ALK: variants seen among roughly 807,000 people sequenced by gnomAD.
The protein encoded by ALK is ALK receptor tyrosine kinase, also known as ALK tyrosine kinase receptor.
Under a neutral mutation model 163.1 loss-of-function variants are expected in ALK, and 74 were observed. The ratio of observed to expected loss-of-function variants is 0.45; its 90% CI spans 0.38 to 0.55. The LOEUF is 0.55. Ranked by LOEUF, ALK falls within the 20% of genes least tolerant of loss-of-function variation. The pLI is 0.00. For missense variants in ALK, 2,063 were observed against 2,105.3 expected (o/e 0.98, Z 0.39); for synonymous variants, 960 against 843.2 (o/e 1.14, Z -2.40).
intron 23 of ALK, among the ~76,000 whole-genome samples, chr2:29,214,544 T>TAAAACTAATTTTCTTCAAGCAGATC (rs1669550203): frequency 6.6e-6 from 1 of 152,222 alleles, no homozygotes; most frequent in Non-Finnish European, 1.5e-5. Flanking sequence ...AAATATTTCT[T>TAAAACTAATTTTCTTCAAGCAGATC]AAAACTAATT....
At chr2:29,698,099 C>G (rs79549398) in intron 2 of ALK, among the ~76,000 whole-genome samples, 6 of 152,134 alleles carry the variant, frequency 3.9e-5, no homozygotes, top group Non-Finnish European at 8.8e-5. Flanking sequence ...TGCCCTTTCA[C>G]GATTCAGACA....
chr2:29,723,321 T>C (rs1421586197), intron 1 of ALK, among the ~76,000 whole-genome samples: 1 of 152,182 alleles, frequency 6.6e-6, no homozygotes, highest in East Asian at 1.9e-4. Flanking sequence ...TACTCAGAGG[T>C]ACATGGCCAC....
chr2:29,888,557 G>A (rs922646633), intron 1 of ALK, among the ~76,000 whole-genome samples: 4 of 152,100 alleles, frequency 2.6e-5, no homozygotes, highest in East Asian at 1.9e-4. Flanking sequence ...ACCAGCTTCC[G>A]AACTCAGAGG....
chr2:29,274,953 C>T (rs1665493873), intron 11 of ALK, 146 bp downstream of exon 11: 3 of 1,085,924 alleles, frequency 2.8e-6, no homozygotes, highest in Non-Finnish European at 4.1e-6. Flanking sequence ...CCCCTTGGAC[C>T]CCATAGTCAG....
chr2:29,731,429 G>C (rs763618271), intron 1 of ALK, among the ~76,000 whole-genome samples: 1 of 152,240 alleles, frequency 6.6e-6, no homozygotes, highest in East Asian at 1.9e-4. Flanking sequence ...ACTGCTTTTG[G>C]CAATGACTCC....
intron 5 of ALK, among the ~76,000 whole-genome samples, chr2:29,359,694 G>T (rs975658074): frequency 6.6e-6 from 1 of 152,126 alleles, no homozygotes; most frequent in Non-Finnish European, 1.5e-5. Flanking sequence ...GCCTTTGAAT[G>T]GGCTGCTTCA....
At chr2:29,510,249 A>C (rs1329678899) in intron 4 of ALK, among the ~76,000 whole-genome samples, 3 of 152,216 alleles carry the variant, frequency 2.0e-5, no homozygotes, top group Non-Finnish European at 4.4e-5. Context: ...GGCAAGTATG[A>C]AATGTCCCTA....
At chr2:29,909,464 G>C (rs1230213322) in intron 1 of ALK, among the ~76,000 whole-genome samples, 5 of 141,878 alleles carry the variant, frequency 3.5e-5, no homozygotes, top group East Asian at 2.1e-4. Context: ...TACACACACA[G>C]AGAGAGACAG....
intron 1 of ALK, among the ~76,000 whole-genome samples, chr2:29,806,871 G>A (rs932541796): frequency 6.6e-6 from 1 of 152,232 alleles, no homozygotes; most frequent in African/African-American, 2.4e-5. Context: ...ATGGTGGTAA[G>A]AGGAACAAAC....
rs2148166108 is a variant in ALK, at chr2:29,220,647, T to C, written c.3645+59A>G. The C allele has an allele frequency of 5.6e-6, 9 of 1,610,592 alleles. No individual in the cohort carries two copies. The South Asian group carries it at 9.9e-5, about 18-fold the overall frequency. On this transcript the variant is annotated intron_variant, in intron 23 of 28. Transcript: ENST00000389048. ...TACCCAGGCTGCCCACTCTTGCTCC[T>C]TCCATCCTTGCTCCTGTCCTTGGCA...
rs545010216 is a variant in ALK, at chr2:29,368,971, A to G, written c.1282+14761T>C. Reference sequence around the variant, plus strand: ...AAACAAATAAACAAACATACATCAAAAAACCGCCAGCACTCGCCATGAATT... The same window carrying G: ...AAACAAATAAACAAACATACATCAAGAAACCGCCAGCACTCGCCATGAATT... On this transcript the variant is annotated intron_variant, in intron 5 of 28. Coordinates refer to ENST00000389048, the MANE Select transcript of ALK (RefSeq NM_004304.5). 3.7e-3 allele frequency among the ~76,000 whole-genome samples: 564 copies of G among 152,310 alleles called. 4 individuals are homozygous for G. Among genetic ancestry groups the G allele is most frequent in the African/African-American group, 0.013 (535 of 41,574 alleles).
At chr2:29,738,569 C>T (rs758264631) in intron 1 of ALK, among the ~76,000 whole-genome samples, 7 of 151,918 alleles carry the variant, frequency 4.6e-5, no homozygotes, top group South Asian at 4.2e-4. Flanking sequence ...GTTTTTAGGA[C>T]GAGGAGAAAT....
chr2:29,309,777 C>G (rs145131197), intron 8 of ALK, among the ~76,000 whole-genome samples: 2 of 152,026 alleles, frequency 1.3e-5, no homozygotes, highest in Non-Finnish European at 2.9e-5. Flanking sequence ...TAATTATCAA[C>G]GAAGTGGGTT....
chr2:29,216,383 TC>T (rs1271169635), intron 23 of ALK, among the ~76,000 whole-genome samples: 1 of 151,998 alleles, frequency 6.6e-6, no homozygotes, highest in Non-Finnish European at 1.5e-5. Flanking sequence ...CCTACCAGTC[TC>T]TTTGTGTCTT....
chr2:29,208,143 A>G (rs1294041016), intron 25 of ALK: 3 of 431,120 alleles, frequency 7.0e-6, no homozygotes, highest in Non-Finnish European at 1.4e-5. Context: ...TATAGAAAAC[A>G]CAGTAATGCA....
intron 4 of ALK, among the ~76,000 whole-genome samples, chr2:29,491,521 C>G (rs1437353180): frequency 6.6e-6 from 1 of 152,200 alleles, no homozygotes; most frequent in Non-Finnish European, 1.5e-5. Flanking sequence ...CCCTGATCTA[C>G]TAGACCTGAC....
At chr2:29,830,223 C>G (rs1665327877) in intron 1 of ALK, among the ~76,000 whole-genome samples, 1 of 152,166 alleles carries the variant, frequency 6.6e-6, no homozygotes, top group East Asian at 1.9e-4. Context: ...ACAAAGAGAC[C>G]AATGGCAAGG....
intron 1 of ALK, among the ~76,000 whole-genome samples, chr2:29,848,330 C>T (rs1665899281): frequency 6.6e-6 from 1 of 151,288 alleles, no homozygotes; most frequent in African/African-American, 2.4e-5. Flanking sequence ...TCATGCTGAC[C>T]ACCTTGTTCA....
At chr2:29,559,367 G>T (rs780462245) in intron 3 of ALK, among the ~76,000 whole-genome samples, 12 of 152,218 alleles carry the variant, frequency 7.9e-5, no homozygotes, top group African/African-American at 1.2e-4. Flanking sequence ...TAAATAGGTA[G>T]GAGAAGCAGC....
Sources: allele counts gnomAD v4.1 joint callset (sites outside exome capture counted in the v4.1 genomes callset), GRCh38; gene constraint gnomAD v4.1.1; transcripts MANE v1.5; gene names NCBI Gene and HGNC (gene_info 2026-07-23, HGNC 2026-07-21).